DACH1: variants seen among roughly 807,000 people sequenced by gnomAD.
The protein encoded by DACH1 is dachshund family transcription factor 1, also known as dachshund homolog 1.
In DACH1, 12 loss-of-function variants were observed where a neutral mutation model predicts 54.2. The ratio of observed to expected loss-of-function variants is 0.22; its 90% confidence interval spans 0.14 to 0.36. The LOEUF (loss-of-function observed/expected upper bound fraction) is 0.36, where lower values mean the gene tolerates loss of function less well. DACH1 is among the 10% of genes least tolerant of loss of function. DACH1 has a pLI of 1.00. For missense variants in DACH1, 805 were observed against 929.8 expected (o/e 0.87, Z 1.75); for synonymous variants, 386 against 366.2 (o/e 1.05, Z -0.62).
chr13:71,450,822 C>T (rs774040458), intron 10 of DACH1, among the ~76,000 whole-genome samples: 3 of 152,174 alleles, frequency 2.0e-5, no homozygotes, highest in South Asian at 2.1e-4. Flanking sequence ...AACCACATTC[C>T]CTTAAGCCAC....
chr13:71,535,436 G>A (rs1882706137), intron 6 of DACH1, among the ~76,000 whole-genome samples: 1 of 151,884 alleles, frequency 6.6e-6, no homozygotes, highest in South Asian at 2.1e-4. Context: ...AAAATAAAGA[G>A]TGATTGTGAT....
intron 1 of DACH1, among the ~76,000 whole-genome samples, chr13:71,794,704 C>T (rs796205551): frequency 9.9e-5 from 15 of 152,258 alleles, no homozygotes; most frequent in African/African-American, 3.6e-4. Flanking sequence ...TCCCAAAGTG[C>T]TGGGATTACA....
intron 1 of DACH1, among the ~76,000 whole-genome samples, chr13:71,717,572 GATTT>G (rs1159380556): frequency 6.7e-6 from 1 of 150,088 alleles, no homozygotes; most frequent in Non-Finnish European, 1.5e-5. Context: ...TGCCCGCTTA[GATTT>G]GTTTCTTATT....
chr13:71,775,101 A>G (rs537968728), intron 1 of DACH1, among the ~76,000 whole-genome samples: 1 of 145,488 alleles, frequency 6.9e-6, no homozygotes, highest in Non-Finnish European at 1.5e-5. Flanking sequence ...CCTGGGCAAC[A>G]GAGCAAGACT....
chr13:71,844,135 T>A (rs923733690), intron 1 of DACH1, among the ~76,000 whole-genome samples: 1 of 152,288 alleles, frequency 6.6e-6, no homozygotes, highest in African/African-American at 2.4e-5. Flanking sequence ...AAAGTAAAGA[T>A]TTGAGACTTC....
chr13:71,641,981 C>CA (rs1211745665), intron 2 of DACH1, among the ~76,000 whole-genome samples: 1 of 151,960 alleles, frequency 6.6e-6, no homozygotes, highest in Non-Finnish European at 1.5e-5. Flanking sequence ...CTTTTTGCTG[C>CA]AAAAAAATTA....
intron 1 of DACH1, among the ~76,000 whole-genome samples, chr13:71,714,454 T>C (rs572724852): frequency 1.3e-5 from 2 of 152,240 alleles, no homozygotes; most frequent in Admixed American, 6.5e-5. Context: ...ATCATGTTTA[T>C]AGCAACAACT....
In DACH1 at chr13:71,440,029, T is replaced by G. The variant is rs1175692311; in HGVS notation, c.*626A>C. ...TGCTTCTTTTCAGATATGCAAAATGTTATTTCATTGGGTTGTTGTCAACAT... is the reference window on the plus strand; with the variant it reads ...TGCTTCTTTTCAGATATGCAAAATGGTATTTCATTGGGTTGTTGTCAACAT... On this transcript the variant is annotated 3_prime_UTR_variant, in exon 11 of 11. Transcript: ENST00000613252. The G allele has an allele frequency of 6.6e-6, 1 of 152,142 alleles. No homozygotes were observed. Among genetic ancestry groups the G allele is most frequent in the African/African-American group, 2.4e-5 (1 of 41,434 alleles). The allele number at this position is 152,142 out of a possible 1,614,324, so 9.4% of individuals were successfully genotyped here.
intron 1 of DACH1, among the ~76,000 whole-genome samples, chr13:71,749,702 G>A (rs1324983589): frequency 1.3e-5 from 2 of 152,144 alleles, no homozygotes; most frequent in Admixed American, 6.5e-5. Flanking sequence ...TGTTAATATT[G>A]TAGAGAGGAA....
intron 3 of DACH1, among the ~76,000 whole-genome samples, chr13:71,582,929 G>T (rs1232529763): frequency 6.6e-6 from 1 of 151,830 alleles, no homozygotes; most frequent in Non-Finnish European, 1.5e-5. Context: ...TCCAATTTGG[G>T]GAAAATACAA....
Position 71,489,028 on chromosome 13 carries a change from G to T in DACH1, c.1691C>A (p.Ser564Tyr). 6.2e-7 allele frequency: 1 copy of T among 1,613,694 alleles called. No homozygotes were observed. The highest frequency in any genetic ancestry group is 8.5e-7 in the Non-Finnish European group (1 of 1,179,750). The change falls in exon 7 of 11, where the codon TCT becomes TAT. Residue 564 changes from serine to tyrosine, a missense_variant. Around this residue, in one of 3 missense-constraint regions of DACH1, gnomAD observed 472 missense variants for 545.3 expected, o/e 0.87. Transcript: ENST00000613252. ...PSPFLFPDGLSSIETLLTNIQ... is the reference protein window; with the variant it reads ...PSPFLFPDGLYSIETLLTNIQ... ...GTTAGTCAGAAGAGTCTCGATGGAA[G>T]ACAGTCCATCAGGAAACAGAAAAGG...
At chr13:71,476,356 C>A (rs1254876192) in intron 8 of DACH1, among the ~76,000 whole-genome samples, 1 of 152,064 alleles carries the variant, frequency 6.6e-6, no homozygotes, top group Non-Finnish European at 1.5e-5. Flanking sequence ...TTAATAATTT[C>A]TTTCTTAAAA....
At chr13:71,467,667 T>C (rs1210381066) in intron 10 of DACH1, among the ~76,000 whole-genome samples, 1 of 152,098 alleles carries the variant, frequency 6.6e-6, no homozygotes, top group Non-Finnish European at 1.5e-5. Context: ...CTATAATAAC[T>C]ATAGAACAAT....
At chr13:71,635,161 T>A (rs559322902) in intron 2 of DACH1, among the ~76,000 whole-genome samples, 3 of 152,226 alleles carry the variant, frequency 2.0e-5, no homozygotes, top group Non-Finnish European at 4.4e-5. Context: ...TTTGGCAATG[T>A]CAATGGAAAG....
intron 1 of DACH1, among the ~76,000 whole-genome samples, chr13:71,849,969 C>T (rs760601945): frequency 3.9e-5 from 6 of 152,148 alleles, no homozygotes; most frequent in Non-Finnish European, 1.5e-5. Context: ...TACATCCAGA[C>T]GTGTGTACAC....
intron 4 of DACH1, among the ~76,000 whole-genome samples, chr13:71,567,198 G>A (rs534853285): frequency 5.9e-5 from 9 of 151,830 alleles, no homozygotes; most frequent in Non-Finnish European, 7.4e-5. Context: ...GAAAATTAAC[G>A]AATTTAAGTC....
intron 3 of DACH1, among the ~76,000 whole-genome samples, chr13:71,626,130 C>T (rs1415691744): frequency 6.6e-6 from 1 of 151,768 alleles, no homozygotes; most frequent in African/African-American, 2.4e-5. Context: ...CAAAATGTTG[C>T]ACTTGGGAAT....
At chr13:71,536,078 T>C (rs1566323366) in intron 6 of DACH1, among the ~76,000 whole-genome samples, 1 of 152,078 alleles carries the variant, frequency 6.6e-6, no homozygotes, top group Non-Finnish European at 1.5e-5. Context: ...GAGAAATGTA[T>C]TGATTTGTTC....
intron 1 of DACH1, among the ~76,000 whole-genome samples, chr13:71,701,304 A>G (rs899934523): frequency 3.3e-5 from 5 of 152,158 alleles, no homozygotes. Flanking sequence ...GTATATTTAA[A>G]TCTGAGATTT....
Sources: allele counts gnomAD v4.1 joint callset (sites outside exome capture counted in the v4.1 genomes callset), GRCh38; gene constraint gnomAD v4.1.1; regional missense constraint gnomAD v4.1.1; transcripts MANE v1.5; gene names NCBI Gene and HGNC (gene_info 2026-07-23, HGNC 2026-07-21).